The following DENND1B variants were observed in gnomAD, a reference collection of about 807,000 sequenced individuals.
DENND1B encodes DENN domain-containing protein 1B.
In DENND1B, 59 loss-of-function variants were observed where a neutral mutation model predicts 90.1. The observed-to-expected ratio is 0.65, with a 90% CI of 0.53 to 0.81. The LOEUF (loss-of-function observed/expected upper bound fraction) is 0.81. Ranked by LOEUF, DENND1B falls within the 40% of genes least tolerant of loss-of-function variation. The pLI is 0.00. For missense variants in DENND1B, 862 were observed against 912.6 expected (o/e 0.94, Z 0.71); for synonymous variants, 337 against 324.6 (o/e 1.04, Z -0.41).
At chr1:197,769,495 C>G (rs755537322) in intron 2 of DENND1B, among the ~76,000 whole-genome samples, 2 of 152,138 alleles carry the variant, frequency 1.3e-5, no homozygotes, top group African/African-American at 4.8e-5. Flanking sequence ...GTCTTATAAC[C>G]GCAAGAAATC....
intron 20 of DENND1B, among the ~76,000 whole-genome samples, chr1:197,516,590 TC>T (rs113345220): frequency 6.6e-6 from 1 of 151,674 alleles, no homozygotes; most frequent in African/African-American, 2.4e-5. Context: ...AGGACAGTTT[TC>T]CCCATGTTCG....
intron 4 of DENND1B, 53 bp downstream of exon 4, chr1:197,674,067 C>A: frequency 8.1e-7 from 1 of 1,228,716 alleles, no homozygotes; most frequent in African/African-American, 1.6e-5. Context: ...TAATCATTTT[C>A]AAGTATGTAC....
chr1:197,612,001 T>C (rs1304613787), intron 11 of DENND1B, 25 bp from the exon 12 acceptor site: 6 of 1,547,676 alleles, frequency 3.9e-6, no homozygotes, highest in Non-Finnish European at 5.3e-6. Flanking sequence ...TATATATGCA[T>C]AGATTCATAT....
At chr1:197,702,430 T>G (rs1223852399) in intron 3 of DENND1B, among the ~76,000 whole-genome samples, 2 of 152,218 alleles carry the variant, frequency 1.3e-5, no homozygotes, top group African/African-American at 4.8e-5. Context: ...CATGTAAATT[T>G]CTATTTAACC....
chr1:197,555,162 A>G lies in DENND1B; in HGVS notation c.1150-2050T>C, dbSNP rs759178163. Among the ~76,000 whole-genome samples, 64 of 152,166 alleles carry G rather than the reference A, an allele frequency of 4.2e-4. 1 individual carries two copies. The highest frequency in any genetic ancestry group is 8.7e-4 in the Non-Finnish European group (59 of 67,980). ...AATGAAACTGGAGTCTTACATCTCA[A>G]GATATATTAAAAAAAATTAACTCAA... On this transcript the variant is annotated intron_variant, in intron 15 of 22. Coordinates refer to ENST00000620048, the MANE Select transcript of DENND1B (RefSeq NM_001195215.2).
chr1:197,673,985 C>G (rs1447534305), intron 4 of DENND1B, 135 bp downstream of exon 4: 1 of 655,004 alleles, frequency 1.5e-6, no homozygotes, highest in Non-Finnish European at 2.6e-6. Context: ...TTTTCAACCT[C>G]TTTTCAATCT....
chr1:197,613,353 T>C (rs1677351824), intron 11 of DENND1B, among the ~76,000 whole-genome samples: 2 of 150,904 alleles, frequency 1.3e-5, no homozygotes, highest in Admixed American at 1.3e-4. Context: ...TACATTCTAG[T>C]TCATTACTTC....
At chr1:197,512,849 G>C in intron 21 of DENND1B, 22 bp downstream of exon 21, 1 of 1,605,826 alleles carries the variant, frequency 6.2e-7, no homozygotes, top group South Asian at 1.1e-5. Flanking sequence ...CACTTAATAG[G>C]ACACCAAAAT....
chr1:197,668,240 T>C (rs1480415883), intron 5 of DENND1B, among the ~76,000 whole-genome samples: 1 of 152,118 alleles, frequency 6.6e-6, no homozygotes, highest in Non-Finnish European at 1.5e-5. Context: ...AAACTGTTGC[T>C]GCATTATTCA....
At chr1:197,674,357 C>G (rs952263580) in intron 3 of DENND1B, among the ~76,000 whole-genome samples, 188 bp from the exon 4 acceptor site, 2 of 152,102 alleles carry the variant, frequency 1.3e-5, no homozygotes, top group African/African-American at 4.8e-5. Flanking sequence ...TGGCAGATTG[C>G]ACTGACAATG....
chr1:197,582,588 C>T (rs1674339202), intron 15 of DENND1B, among the ~76,000 whole-genome samples: 1 of 152,072 alleles, frequency 6.6e-6, no homozygotes, highest in Non-Finnish European at 1.5e-5. Flanking sequence ...AGCAGTGCAT[C>T]CAAAATTTCT....
At chr1:197,577,963 T>C (rs567525514) in intron 15 of DENND1B, among the ~76,000 whole-genome samples, 7 of 152,322 alleles carry the variant, frequency 4.6e-5, no homozygotes, top group East Asian at 3.9e-4. Flanking sequence ...GGATGACGTA[T>C]AAACATTAAA....
chr1:197,517,586 A>AT (rs1180100195), intron 20 of DENND1B, among the ~76,000 whole-genome samples: 1 of 151,920 alleles, frequency 6.6e-6, no homozygotes. Flanking sequence ...TTGAGTCTCT[A>AT]TTATTCTGTC....
intron 16 of DENND1B, among the ~76,000 whole-genome samples, chr1:197,551,702 G>A (rs1671255558): frequency 6.6e-6 from 1 of 152,040 alleles, no homozygotes; most frequent in African/African-American, 2.4e-5. Flanking sequence ...AGCCCCACGG[G>A]TCATAAAGAT....
intron 3 of DENND1B, among the ~76,000 whole-genome samples, chr1:197,697,016 GT>G (rs1658500693): frequency 1.4e-5 from 2 of 146,110 alleles, no homozygotes; most frequent in Non-Finnish European, 3.0e-5. Flanking sequence ...TTCAAACTGA[GT>G]TTTAATTAAC....
chr1:197,589,387 C>A (rs1674985666), intron 14 of DENND1B, among the ~76,000 whole-genome samples: 1 of 152,132 alleles, frequency 6.6e-6, no homozygotes. Context: ...AAGCCAGATG[C>A]ACACCAAATA....
chr1:197,562,556 A>T (rs1328935868), intron 15 of DENND1B, among the ~76,000 whole-genome samples: 1 of 151,892 alleles, frequency 6.6e-6, no homozygotes, highest in Non-Finnish European at 1.5e-5. Context: ...GGGTGCCAGG[A>T]ACCACCCCCA....
At position 197,678,545 on chromosome 1, in the gene DENND1B, G is replaced by A. The variant is rs184943849; in HGVS notation, c.127-4376C>T. Among the ~76,000 whole-genome samples, 116 of 152,172 alleles carry A rather than the reference G, an allele frequency of 7.6e-4. 4 individuals are homozygous for A. In the East Asian group the frequency reaches 0.02, roughly 26 times the overall value. On this transcript the variant is annotated intron_variant, in intron 3 of 22. Transcript: ENST00000620048. Reference sequence around the variant, plus strand: ...TTCAATTTATTTATACTTTACACAAGAGAGTAATAACTGAGATTCCCGAAC... The same window carrying A: ...TTCAATTTATTTATACTTTACACAAAAGAGTAATAACTGAGATTCCCGAAC...
At position 197,611,916 on chromosome 1, in the gene DENND1B, C is replaced by A; in HGVS notation, c.819+15G>T. The A allele has an allele frequency of 1.2e-6, 2 of 1,600,316 alleles. No homozygotes were observed. The highest frequency in any genetic ancestry group is 1.7e-6 in the Non-Finnish European group (2 of 1,171,004). On this transcript the variant is annotated intron_variant, in intron 12 of 22. Coordinates refer to ENST00000620048, the MANE Select transcript of DENND1B (RefSeq NM_001195215.2). ...AGTTAATTTTATCACTGTCTCATGT[C>A]TGAAAGATACTCACCTCTATGAGGC...
Sources: gnomAD v4.1 joint callset for allele counts (sites outside exome capture counted in the v4.1 genomes callset) on GRCh38, gnomAD v4.1.1 for gene constraint, MANE v1.5 for transcripts, NCBI Gene and HGNC (gene_info 2026-07-23, HGNC 2026-07-21) for gene names.